The following CSMD1 variants were observed in gnomAD, a reference collection of about 807,000 sequenced individuals.
The protein encoded by CSMD1 is CUB and sushi domain-containing protein 1.
In CSMD1, 213 loss-of-function variants were observed where a neutral mutation model predicts 417.5. That is an observed-to-expected ratio of 0.51 (90% confidence interval 0.46 to 0.57). The LOEUF is 0.57. CSMD1 is among the 20% of genes least tolerant of loss of function. The pLI, the probability that CSMD1 is intolerant of heterozygous loss-of-function variation, is 0.00. For missense variants in CSMD1, 6,923 were observed against 4,529.7 expected, an observed-to-expected ratio of 1.53 and a Z score of -15.17; for synonymous variants, 2,862 against 1,736.8, an observed-to-expected ratio of 1.65 and a Z score of -16.11.
At chr8:4,397,464 T>C (rs79503899) in intron 3 of CSMD1, among the ~76,000 whole-genome samples, 4,543 of 151,458 alleles carry the variant, frequency 0.03, 217 homozygotes, top group African/African-American at 0.1. Flanking sequence ...ACGTGATCTG[T>C]TGCAGGGTTT....
In CSMD1 at chr8:2,968,702, A is replaced by G. The variant is rs564499105; in HGVS notation, c.8924-1956T>C. On this transcript the variant is annotated intron_variant, in intron 57 of 69. Coordinates refer to ENST00000635120, the MANE Select transcript of CSMD1 (RefSeq NM_033225.6). ...ATGCAATTATGTAAAATTATAAGAC[A>G]GGACTAAGACTAAAACAAAACAATA... Among the ~76,000 whole-genome samples, 4 of 152,316 alleles carry G rather than the reference A, an allele frequency of 2.6e-5. No homozygotes were observed. The East Asian group carries it at 7.7e-4, about 29-fold the overall frequency.
intron 2 of CSMD1, among the ~76,000 whole-genome samples, chr8:4,591,766 A>C (rs1314421648): frequency 6.6e-6 from 1 of 152,150 alleles, no homozygotes; most frequent in East Asian, 1.9e-4. Context: ...TGTTTTGGAA[A>C]TACTTAGCGT....
intron 1 of CSMD1, among the ~76,000 whole-genome samples, chr8:4,972,371 G>T (rs182409999): frequency 6.6e-6 from 1 of 152,058 alleles, no homozygotes; most frequent in South Asian, 2.1e-4. Flanking sequence ...TTGAATCATG[G>T]GAGCAGTTCC....
chr8:3,664,427 A>G (rs13255284), intron 7 of CSMD1, among the ~76,000 whole-genome samples: 45,109 of 152,158 alleles, frequency 0.3, 7,632 homozygotes, highest in Admixed American at 0.43. Flanking sequence ...TTCCAAAACC[A>G]TGTTATTCTG....
In CSMD1 at chr8:3,598,530, C is replaced by T. The variant is rs144345156; in HGVS notation, c.1098-12270G>A. Among the ~76,000 whole-genome samples, 998 of 152,280 alleles carry T rather than the reference C, an allele frequency of 6.6e-3. 9 individuals carry two copies. Among genetic ancestry groups the T allele is most frequent in the Non-Finnish European group, 0.011 (750 of 68,034 alleles). On this transcript the variant is annotated intron_variant, in intron 8 of 69. Transcript: ENST00000635120. ...CCCATCCTCCAAGCCCTGGCTGTGACGTCTCCCCTGAGCCTTCCTCTACGC... is the reference window on the plus strand; with the variant it reads ...CCCATCCTCCAAGCCCTGGCTGTGATGTCTCCCCTGAGCCTTCCTCTACGC...
chr8:4,117,452 G>C (rs935163359), intron 3 of CSMD1, among the ~76,000 whole-genome samples: 3 of 152,006 alleles, frequency 2.0e-5, no homozygotes, highest in Non-Finnish European at 4.4e-5. Context: ...TGCAATTTCA[G>C]GGTTATGATC....
chr8:3,258,284 G>A (rs1238732925), intron 26 of CSMD1, among the ~76,000 whole-genome samples: 1 of 152,086 alleles, frequency 6.6e-6, no homozygotes, highest in Non-Finnish European at 1.5e-5. Context: ...CATGGACAAA[G>A]GACATGAACA....
chr8:4,453,335 G>C (rs1395279606), intron 2 of CSMD1, among the ~76,000 whole-genome samples: 2 of 152,050 alleles, frequency 1.3e-5, no homozygotes, highest in African/African-American at 2.4e-5. Context: ...ACTCCCACTG[G>C]GAACCAACTG....
At chr8:4,935,933 G>A (rs1375033081) in intron 1 of CSMD1, among the ~76,000 whole-genome samples, 3 of 152,156 alleles carry the variant, frequency 2.0e-5, no homozygotes, top group Non-Finnish European at 4.4e-5. Flanking sequence ...CCACGCTGCC[G>A]CTCAGAACAG....
At chr8:4,126,370 C>T (rs576058439) in intron 3 of CSMD1, among the ~76,000 whole-genome samples, 1 of 152,318 alleles carries the variant, frequency 6.6e-6, no homozygotes, top group South Asian at 2.1e-4. Context: ...CCTGTCTCAG[C>T]TATTCAGCAT....
chr8:4,354,198 T>G (rs543822593), intron 3 of CSMD1, among the ~76,000 whole-genome samples: 1 of 152,326 alleles, frequency 6.6e-6, no homozygotes, highest in South Asian at 2.1e-4. Flanking sequence ...AAGCACATCT[T>G]CAGAGATTAC....
intron 3 of CSMD1, among the ~76,000 whole-genome samples, chr8:4,194,609 A>G (rs1175933130): frequency 6.6e-6 from 1 of 152,152 alleles, no homozygotes; most frequent in Non-Finnish European, 1.5e-5. Context: ...TTAATTTGCT[A>G]ACAGAGTAAT....
At chr8:4,381,727 G>A (rs963460979) in intron 3 of CSMD1, among the ~76,000 whole-genome samples, 2 of 152,200 alleles carry the variant, frequency 1.3e-5, no homozygotes, top group South Asian at 4.1e-4. Flanking sequence ...GCCGTGGATG[G>A]ACTTTAGGCT....
intron 3 of CSMD1, among the ~76,000 whole-genome samples, chr8:4,138,622 A>G (rs1563173419): frequency 9.6e-5 from 13 of 135,006 alleles, no homozygotes; most frequent in Non-Finnish European, 1.6e-4. Flanking sequence ...AAAATTAAAC[A>G]AAGGAAAAAA....
At chr8:3,770,415 G>T (rs1255043120) in intron 5 of CSMD1, among the ~76,000 whole-genome samples, 1 of 152,108 alleles carries the variant, frequency 6.6e-6, no homozygotes. Flanking sequence ...TGTAATTCCA[G>T]CTACTCGAGA....
intron 1 of CSMD1, among the ~76,000 whole-genome samples, chr8:4,644,715 C>T (rs1181603212): frequency 6.6e-6 from 1 of 152,240 alleles, no homozygotes; most frequent in Non-Finnish European, 1.5e-5. Context: ...GGCGCCTACA[C>T]TATTGTATTC....
chr8:4,207,832 C>T (rs541493578), intron 3 of CSMD1, among the ~76,000 whole-genome samples: 2 of 152,226 alleles, frequency 1.3e-5, no homozygotes, highest in South Asian at 2.1e-4. Flanking sequence ...GATGCAACCT[C>T]AGCCCTGGTG....
chr8:3,731,832 T>G (rs755076647), intron 6 of CSMD1, among the ~76,000 whole-genome samples: 1 of 152,100 alleles, frequency 6.6e-6, no homozygotes, highest in Non-Finnish European at 1.5e-5. Flanking sequence ...TCACCACCCA[T>G]GAGTGAGTTT....
At chr8:3,664,566 A>G (rs1412108054) in intron 7 of CSMD1, among the ~76,000 whole-genome samples, 1 of 152,232 alleles carries the variant, frequency 6.6e-6, no homozygotes, top group African/African-American at 2.4e-5. Flanking sequence ...ATGAGAGAAA[A>G]GCAAAGAGAC....
Sources: gnomAD v4.1 joint callset for allele counts (sites outside exome capture counted in the v4.1 genomes callset) on GRCh38, gnomAD v4.1.1 for gene constraint, MANE v1.5 for transcripts, NCBI Gene and HGNC (gene_info 2026-07-23, HGNC 2026-07-21) for gene names.